MCTP1: variants seen among roughly 807,000 people sequenced by gnomAD.
MCTP1 encodes multiple C2 and transmembrane domain containing 1, also known as multiple C2 and transmembrane domain-containing protein 1.
MCTP1 carries 69 observed loss-of-function variants against 120.6 expected under a neutral mutation model. That is an observed-to-expected ratio of 0.57 (90% CI 0.47 to 0.70). The LOEUF is 0.70. MCTP1 is among the 30% of genes least tolerant of loss of function. The probability of loss-of-function intolerance (pLI) is 0.00; values close to 1 mark genes in which losing one functional copy is unlikely to be tolerated. For missense variants in MCTP1, 1,203 were observed against 1,248.8 expected (o/e 0.96, Z 0.55); for synonymous variants, 529 against 493.1 (o/e 1.07, Z -0.96).
At chr5:94,890,191 G>C (rs969213552) in intron 11 of MCTP1, among the ~76,000 whole-genome samples, 4 of 152,024 alleles carry the variant, frequency 2.6e-5, no homozygotes, top group Admixed American at 2.0e-4. Flanking sequence ...AAATTCTGTA[G>C]AAAAATGTCC....
At chr5:95,198,386 C>T (rs953592658) in intron 1 of MCTP1, among the ~76,000 whole-genome samples, 16 of 152,218 alleles carry the variant, frequency 1.1e-4, no homozygotes, top group African/African-American at 3.9e-4. Context: ...TAAGTATCCA[C>T]ACAACCATCC....
chr5:95,247,794 G>T (rs1270477692), intron 1 of MCTP1, among the ~76,000 whole-genome samples: 2 of 152,158 alleles, frequency 1.3e-5, no homozygotes, highest in African/African-American at 2.4e-5. Context: ...ATTTGCTGAG[G>T]AGTGTTTTAC....
chr5:95,172,972 T>C (rs140832396), intron 1 of MCTP1, among the ~76,000 whole-genome samples: 168 of 152,332 alleles, frequency 1.1e-3, no homozygotes, highest in African/African-American at 3.8e-3. Context: ...TCACAGATTA[T>C]AGACCATATT....
intron 11 of MCTP1, among the ~76,000 whole-genome samples, chr5:94,893,304 T>A (rs1803122474): frequency 6.6e-6 from 1 of 152,224 alleles, no homozygotes; most frequent in African/African-American, 2.4e-5. Flanking sequence ...TATAGTATAA[T>A]GCCTAGAAGA....
intron 18 of MCTP1, among the ~76,000 whole-genome samples, chr5:94,784,552 A>C (rs1302571529): frequency 1.3e-5 from 2 of 152,110 alleles, no homozygotes; most frequent in African/African-American, 2.4e-5. Flanking sequence ...AATTGTATAC[A>C]TAATTCACTC....
chr5:94,993,202 A>G (rs1293323810), intron 2 of MCTP1, among the ~76,000 whole-genome samples: 1 of 152,216 alleles, frequency 6.6e-6, no homozygotes, highest in Non-Finnish European at 1.5e-5. Flanking sequence ...ACATTTTGAC[A>G]TAAAACTAGA....
At chr5:95,041,311 G>GAAAAAAAAAAAA (rs58379749) in intron 1 of MCTP1, among the ~76,000 whole-genome samples, 113 of 89,696 alleles carry the variant, frequency 1.3e-3, no homozygotes, top group East Asian at 1.8e-3. Flanking sequence ...CCCATGCTCT[G>GAAAAAAAAAAAA]AAAAAAAAAA....
chr5:95,177,067 A>C (rs1313750770), intron 1 of MCTP1, among the ~76,000 whole-genome samples: 1 of 151,584 alleles, frequency 6.6e-6, no homozygotes, highest in African/African-American at 2.4e-5. Flanking sequence ...ATACACATAC[A>C]TAATATATAC....
At chr5:95,202,044 C>T (rs1400278762) in intron 1 of MCTP1, among the ~76,000 whole-genome samples, 1 of 152,056 alleles carries the variant, frequency 6.6e-6, no homozygotes, top group Non-Finnish European at 1.5e-5. Flanking sequence ...AGCATTGTTT[C>T]TAGGTTTGTC....
intron 1 of MCTP1, among the ~76,000 whole-genome samples, chr5:95,057,762 G>A (rs1413004739): frequency 1.3e-5 from 2 of 152,096 alleles, no homozygotes; most frequent in Non-Finnish European, 2.9e-5. Flanking sequence ...AGTGACAAAT[G>A]CAGCTCTCTG....
At chr5:95,034,882 T>C (rs1456081079) in intron 1 of MCTP1, among the ~76,000 whole-genome samples, 1 of 151,500 alleles carries the variant, frequency 6.6e-6, no homozygotes, top group African/African-American at 2.4e-5. Flanking sequence ...AAGAAAAATA[T>C]AAATAACTCC....
chr5:95,240,961 A>C (rs1306888517), intron 1 of MCTP1, among the ~76,000 whole-genome samples: 2 of 152,060 alleles, frequency 1.3e-5, no homozygotes, highest in East Asian at 3.9e-4. Context: ...GAGAGACTAC[A>C]TATTAGAAAA....
rs534116651 is a variant in MCTP1 at position 94,743,799 on chromosome 5, G to A, written c.2611-28913C>T. ...ACTACAGGCACCTGCCACCACACCCGGCTAATTTTTTGTATATTTTTAGTA... is the reference window on the plus strand; with the variant it reads ...ACTACAGGCACCTGCCACCACACCCAGCTAATTTTTTGTATATTTTTAGTA... On this transcript the variant is annotated intron_variant, in intron 19 of 22. Coordinates refer to ENST00000515393, the MANE Select transcript of MCTP1 (RefSeq NM_024717.7). 5.3e-5 allele frequency among the ~76,000 whole-genome samples: 8 copies of A among 150,994 alleles called. No individual in the cohort carries two copies. The South Asian group carries it at 8.4e-4, about 16-fold the overall frequency.
intron 1 of MCTP1, among the ~76,000 whole-genome samples, chr5:95,201,490 T>G (rs1261490095): frequency 7.4e-4 from 31 of 41,904 alleles, no homozygotes; most frequent in South Asian, 4.7e-3. Flanking sequence ...TTTTTTTTTT[T>G]TTTTTTTTTT....
intron 1 of MCTP1, among the ~76,000 whole-genome samples, chr5:95,166,803 G>A (rs1746443120): frequency 6.6e-6 from 1 of 151,848 alleles, no homozygotes; most frequent in African/African-American, 2.4e-5. Context: ...TCCTGACCTT[G>A]TGATCCGCCC....
chr5:95,181,657 G>A (rs982836079), intron 1 of MCTP1, among the ~76,000 whole-genome samples: 1 of 152,096 alleles, frequency 6.6e-6, no homozygotes, highest in Non-Finnish European at 1.5e-5. Flanking sequence ...TATGCATGGG[G>A]TTCAGTTACA....
chr5:94,751,478 G>A (rs983000170), intron 19 of MCTP1, among the ~76,000 whole-genome samples: 3 of 151,748 alleles, frequency 2.0e-5, no homozygotes, highest in African/African-American at 7.3e-5. Context: ...GACCTTGAAA[G>A]CCTAATAAAA....
intron 1 of MCTP1, among the ~76,000 whole-genome samples, chr5:95,170,368 T>C (rs185726730): frequency 3.3e-5 from 5 of 152,360 alleles, no homozygotes; most frequent in African/African-American, 1.2e-4. Context: ...AATGTGGTGC[T>C]TAGTAGAATG....
At chr5:95,265,151 T>G (rs905810308) in intron 1 of MCTP1, among the ~76,000 whole-genome samples, 1 of 152,278 alleles carries the variant, frequency 6.6e-6, no homozygotes, top group South Asian at 2.1e-4. Context: ...ACTGTGTGCC[T>G]TTTTAGCTCC....
Sources: gnomAD v4.1 joint callset for allele counts (sites outside exome capture counted in the v4.1 genomes callset) on GRCh38, gnomAD v4.1.1 for gene constraint, MANE v1.5 for transcripts, NCBI Gene and HGNC (gene_info 2026-07-23, HGNC 2026-07-21) for gene names.